RBFOX1: variants seen among roughly 807,000 people sequenced by gnomAD.
RBFOX1 encodes the protein RNA binding fox-1 homolog 1.
A neutral mutation model predicts 57.7 loss-of-function variants in RBFOX1; 8 were observed. The observed-to-expected ratio is 0.14, with a 90% CI of 0.08 to 0.25. The LOEUF (loss-of-function observed/expected upper bound fraction) is 0.25, where lower values mean the gene tolerates loss of function less well. Ranked by LOEUF, RBFOX1 falls within the 10% of genes least tolerant of loss-of-function variation. The pLI is 1.00. For synonymous variants in RBFOX1, 326 were observed against 222.4 expected (o/e 1.47, Z -4.15); for missense variants, 611 against 548.5 (o/e 1.11, Z -1.14).
At chr16:7,259,624 T>C (rs747556245) in intron 4 of RBFOX1, among the ~76,000 whole-genome samples, 4 of 152,206 alleles carry the variant, frequency 2.6e-5, no homozygotes, top group Admixed American at 6.5e-5. Context: ...CTGTATTTTT[T>C]ATTATTTCTA....
intron 1 of RBFOX1, among the ~76,000 whole-genome samples, chr16:6,099,495 G>C (rs553821286): frequency 3.5e-4 from 54 of 152,310 alleles, no homozygotes; most frequent in South Asian, 2.3e-3. Flanking sequence ...CATAGAGGCA[G>C]AATGCTGATT....
intron 4 of RBFOX1, among the ~76,000 whole-genome samples, chr16:7,263,180 C>G (rs996257658): frequency 1.3e-5 from 2 of 152,188 alleles, no homozygotes; most frequent in African/African-American, 4.8e-5. Context: ...CTGTTACATT[C>G]TAAGCCACTT....
At chr16:5,747,656 T>G (rs2053038682) in intron 3 of RBFOX1, among the ~76,000 whole-genome samples, 1 of 141,552 alleles carries the variant, frequency 7.1e-6, no homozygotes, top group East Asian at 1.9e-4. Context: ...GATTTTCTAG[T>G]TTTTTTGCGT....
At chr16:6,221,660 C>G (rs557242201) in intron 1 of RBFOX1, among the ~76,000 whole-genome samples, 18 of 152,326 alleles carry the variant, frequency 1.2e-4, no homozygotes, top group African/African-American at 4.1e-4. Flanking sequence ...GTTTCACTGA[C>G]TCACAGTTCC....
chr16:7,436,746 T>C (rs976970003), intron 4 of RBFOX1, among the ~76,000 whole-genome samples: 1 of 152,290 alleles, frequency 6.6e-6, no homozygotes. Context: ...TTTGGTCTCC[T>C]TGCTGAGATT....
intron 1 of RBFOX1, among the ~76,000 whole-genome samples, chr16:6,229,056 C>G (rs1490206198): frequency 6.6e-6 from 1 of 152,126 alleles, no homozygotes; most frequent in African/African-American, 2.4e-5. Context: ...ATGAGACACA[C>G]AGAATAGACT....
At chr16:6,510,270 C>T (rs2096225783) in intron 2 of RBFOX1, among the ~76,000 whole-genome samples, 1 of 152,146 alleles carries the variant, frequency 6.6e-6, no homozygotes, top group Non-Finnish European at 1.5e-5. Flanking sequence ...ATTCTGCAAG[C>T]ATCTCTGAAA....
chr16:5,445,220 G>C (rs900652886), intron 1 of RBFOX1, among the ~76,000 whole-genome samples: 4 of 152,220 alleles, frequency 2.6e-5, no homozygotes, highest in Admixed American at 6.5e-5. Flanking sequence ...CGTGGGAGTA[G>C]GGGACTAATA....
chr16:5,294,644 G>A (rs1312075109), intron 1 of RBFOX1, among the ~76,000 whole-genome samples: 1 of 152,092 alleles, frequency 6.6e-6, no homozygotes, highest in Non-Finnish European at 1.5e-5. Context: ...AACTATTTCT[G>A]AACACCCCTA....
chr16:6,844,368 C>A (rs1335245063), intron 3 of RBFOX1, among the ~76,000 whole-genome samples: 1 of 152,086 alleles, frequency 6.6e-6, no homozygotes, highest in Non-Finnish European at 1.5e-5. Flanking sequence ...CTCAGCAGAT[C>A]CCCACGCCCA....
chr16:5,638,426 A>T (rs1006816366), intron 3 of RBFOX1, among the ~76,000 whole-genome samples: 6 of 152,150 alleles, frequency 3.9e-5, no homozygotes, highest in Non-Finnish European at 8.8e-5. Context: ...GGGAGTAACC[A>T]TGATGATTGA....
intron 3 of RBFOX1, among the ~76,000 whole-genome samples, chr16:5,862,549 G>A (rs897728277): frequency 1.3e-5 from 2 of 152,198 alleles, no homozygotes; most frequent in Admixed American, 6.5e-5. Context: ...CACCCACTGC[G>A]TGTCAGGGTT....
intron 2 of RBFOX1, 25 bp downstream of exon 2, chr16:6,317,082 T>G: frequency 6.6e-7 from 1 of 1,519,014 alleles, no homozygotes; most frequent in Non-Finnish European, 8.8e-7. Flanking sequence ...TTTTGAACAT[T>G]CATTCCATAA....
At chr16:7,120,344 T>A (rs199637257) in intron 4 of RBFOX1, among the ~76,000 whole-genome samples, 4 of 61,792 alleles carry the variant, frequency 6.5e-5, no homozygotes, top group East Asian at 8.0e-4. Context: ...AATGTAAGAT[T>A]AAAAAAATGA....
intron 3 of RBFOX1, among the ~76,000 whole-genome samples, chr16:5,638,650 A>G (rs1257193033): frequency 4.6e-5 from 7 of 152,104 alleles, no homozygotes. Context: ...TTCACTGTAG[A>G]TTCTAGATGG....
intron 4 of RBFOX1, among the ~76,000 whole-genome samples, chr16:7,215,178 G>A (rs1049941694): frequency 1.3e-5 from 2 of 152,154 alleles, no homozygotes; most frequent in Admixed American, 6.5e-5. Flanking sequence ...CTGTTCCTGT[G>A]TTAGTTTGCT....
intron 3 of RBFOX1, among the ~76,000 whole-genome samples, chr16:6,661,801 G>C (rs766199383): frequency 7.9e-5 from 12 of 152,306 alleles, no homozygotes; most frequent in African/African-American, 1.7e-4. Context: ...TTGAAATGTT[G>C]ATTTAGCGGC....
intron 1 of RBFOX1, among the ~76,000 whole-genome samples, chr16:6,250,603 C>T (rs932189411): frequency 6.6e-6 from 1 of 152,088 alleles, no homozygotes; most frequent in African/African-American, 2.4e-5. Context: ...AAACCCAGGC[C>T]TCTTTTATGC....
chr16:6,705,443 T>A (rs941242722), intron 3 of RBFOX1: 1 of 152,166 alleles, frequency 6.6e-6, no homozygotes. Context: ...CCTGGGTTAC[T>A]GTACACATAG....
Sources: gnomAD v4.1 joint callset for allele counts (sites outside exome capture counted in the v4.1 genomes callset) on GRCh38, gnomAD v4.1.1 for gene constraint, MANE v1.5 for transcripts, NCBI Gene and HGNC (gene_info 2026-07-23, HGNC 2026-07-21) for gene names.